Variants in ERCC8 observed in about 807,000 individuals in gnomAD.
ERCC8 encodes ERCC excision repair 8, CSA ubiquitin ligase complex subunit.
A neutral mutation model predicts 54.9 loss-of-function variants in ERCC8; 52 were observed. The ratio of observed to expected loss-of-function variants is 0.95; its 90% CI spans 0.76 to 1.19. The LOEUF (loss-of-function observed/expected upper bound fraction) is 1.19. Ranked by LOEUF, ERCC8 falls within the 50% of genes most tolerant of loss-of-function variation. The probability of loss-of-function intolerance (pLI) is 0.00; values close to 1 mark genes in which losing one functional copy is unlikely to be tolerated. For synonymous variants in ERCC8, 146 were observed against 157.2 expected (o/e 0.93, Z 0.53); for missense variants, 514 against 466.1 (o/e 1.10, Z -0.95).
chr5:60,887,563 G>T, intron 10 of ERCC8, 43 bp from the exon 11 acceptor site: 1 of 1,338,586 alleles, frequency 7.5e-7, no homozygotes, highest in Non-Finnish European at 1.1e-6. Flanking sequence ...ATCAAGAGCT[G>T]ATATCAAACT....
chr5:60,869,810 A>G lies in ERCC8; in HGVS notation c.*4805T>C, dbSNP rs1327617842. On this transcript the variant is annotated 3_prime_UTR_variant, in exon 12 of 12. Transcript: ENST00000676185. ...AGGTGTACCATAATGACTAGTTAAA[A>G]ATGGAATCAAAGTGAAGTGAACAAA... 6.7e-6 allele frequency among the ~76,000 whole-genome samples: 1 copy of G among 149,876 alleles called. No individual in the cohort carries two copies. The highest frequency in any genetic ancestry group is 2.1e-4 in the South Asian group (1 of 4,836).
intron 11 of ERCC8, among the ~76,000 whole-genome samples, chr5:60,876,974 G>C (rs527943190): frequency 4.1e-4 from 62 of 152,236 alleles, no homozygotes; most frequent in African/African-American, 1.5e-3. Context: ...GTCCTGAATG[G>C]TAATGCCTAG....
chr5:60,933,631 A>G (rs1003636096), intron 1 of ERCC8, among the ~76,000 whole-genome samples: 21 of 152,084 alleles, frequency 1.4e-4, no homozygotes, highest in African/African-American at 4.6e-4. Flanking sequence ...TTGGTTACAT[A>G]AGTTCTTCAG....
chr5:60,877,638 T>C (rs1554071768), intron 11 of ERCC8, among the ~76,000 whole-genome samples: 1 of 152,240 alleles, frequency 6.6e-6, no homozygotes, highest in Non-Finnish European at 1.5e-5. Context: ...TTTGAAGCAA[T>C]TGTGAATGGA....
At chr5:60,896,458 C>A (rs1041829336) in intron 9 of ERCC8, among the ~76,000 whole-genome samples, 13 of 152,210 alleles carry the variant, frequency 8.5e-5, no homozygotes, top group Admixed American at 8.5e-4. Flanking sequence ...GATCCACCCA[C>A]CTCCGCCTCC....
intron 11 of ERCC8, among the ~76,000 whole-genome samples, chr5:60,880,963 TTCTGC>T (rs1006942162): frequency 1.4e-4 from 22 of 152,204 alleles, no homozygotes; most frequent in Non-Finnish European, 2.9e-4. Flanking sequence ...TTTCCAGTTT[TTCTGC>T]TCTGTTTTTT....
chr5:60,939,033 T>C (rs528848578), intron 1 of ERCC8, among the ~76,000 whole-genome samples: 1 of 152,332 alleles, frequency 6.6e-6, no homozygotes, highest in South Asian at 2.1e-4. Context: ...ATTAATCTGA[T>C]AATATATGCT....
rs769122789 is a variant in ERCC8, at chr5:60,874,700, TAAAG to T, written c.1123-21_1123-18del. The T allele has an allele frequency of 4.5e-6, 7 of 1,567,090 alleles. No individual in the cohort carries two copies. Among genetic ancestry groups the T allele is most frequent in the Middle Eastern group, 1.8e-4 (1 of 5,536 alleles). On this transcript the variant is annotated intron_variant, in intron 11 of 11. Transcript: ENST00000676185. ...TGTTGTAGTCTAAAAAAAAAAAAGA[TAAAG>T]AAAAAGGAAGATTCTGTTTTTTCTA...
intron 1 of ERCC8, among the ~76,000 whole-genome samples, chr5:60,938,757 T>C (rs975818362): frequency 2.6e-5 from 4 of 152,250 alleles, no homozygotes; most frequent in African/African-American, 9.6e-5. Flanking sequence ...TAAAGTCATG[T>C]ATCTACTAAA....
At chr5:60,942,916 T>C (rs1477640089) in intron 1 of ERCC8, among the ~76,000 whole-genome samples, 10 of 152,136 alleles carry the variant, frequency 6.6e-5, no homozygotes, top group African/African-American at 2.4e-4. Flanking sequence ...ACATCTCCTA[T>C]GAATAAAATG....
intron 1 of ERCC8, among the ~76,000 whole-genome samples, chr5:60,938,085 A>ATATT (rs1750140987): frequency 2.7e-4 from 5 of 18,682 alleles, no homozygotes; most frequent in African/African-American, 8.2e-4. Flanking sequence ...ATATATATAT[A>ATATT]TTTTATTTTT....
At chr5:60,938,335 T>C (rs765693910) in intron 1 of ERCC8, among the ~76,000 whole-genome samples, 1 of 148,418 alleles carries the variant, frequency 6.7e-6, no homozygotes, top group Non-Finnish European at 1.5e-5. Flanking sequence ...GCCTGTAAGA[T>C]AGCTACCTTT....
intron 7 of ERCC8, 69 bp downstream of exon 7, chr5:60,902,373 A>G: frequency 2.6e-6 from 3 of 1,150,674 alleles, no homozygotes; most frequent in Non-Finnish European, 3.9e-6. Flanking sequence ...TATACATTAC[A>G]TAAATGTAGA....
chr5:60,894,398 T>A (rs1356375188), intron 9 of ERCC8, among the ~76,000 whole-genome samples: 1 of 152,224 alleles, frequency 6.6e-6, no homozygotes, highest in African/African-American at 2.4e-5. Context: ...TTCCTAATAA[T>A]GTTACATTAA....
At chr5:60,897,521 A>C (rs917999661) in intron 9 of ERCC8, among the ~76,000 whole-genome samples, 3 of 152,184 alleles carry the variant, frequency 2.0e-5, no homozygotes, top group Admixed American at 1.3e-4. Flanking sequence ...ATTATCACCA[A>C]ATTATAAGCT....
At chr5:60,923,876 C>T (rs1467548201) in intron 2 of ERCC8, among the ~76,000 whole-genome samples, 1 of 152,118 alleles carries the variant, frequency 6.6e-6, no homozygotes, top group Admixed American at 6.5e-5. Flanking sequence ...TACATCATCA[C>T]TCTTTCCTTT....
intron 2 of ERCC8, among the ~76,000 whole-genome samples, chr5:60,928,376 T>C (rs574110741): frequency 6.6e-6 from 1 of 152,316 alleles, no homozygotes; most frequent in African/African-American, 2.4e-5. Flanking sequence ...GCTTGTTAGG[T>C]AGGTACTATT....
chr5:60,912,379 T>G (rs1318878259), intron 4 of ERCC8, among the ~76,000 whole-genome samples: 1 of 152,126 alleles, frequency 6.6e-6, no homozygotes, highest in Admixed American at 6.5e-5. Context: ...TACTCATGAT[T>G]TGGGTCTCTG....
rs752349950 is a variant in ERCC8, at chr5:60,872,057, TCA to T, written c.*2556_*2557del. On this transcript the variant is annotated 3_prime_UTR_variant, in exon 12 of 12. Coordinates refer to ENST00000676185, the MANE Select transcript of ERCC8 (RefSeq NM_000082.4). ...GCTCAAGTGATCTGCCTGTCTCAGCTCACAAAGTGTTAGGATTACAACCACCG... is the reference window on the plus strand; with the variant it reads ...GCTCAAGTGATCTGCCTGTCTCAGCTCAAAGTGTTAGGATTACAACCACCG... 4.6e-5 allele frequency among the ~76,000 whole-genome samples: 7 copies of T among 152,148 alleles called. No individual in the cohort carries two copies. The highest frequency in any genetic ancestry group is 1.3e-4 in the Admixed American group (2 of 15,282).
Sources: allele counts gnomAD v4.1 joint callset (sites outside exome capture counted in the v4.1 genomes callset), GRCh38; gene constraint gnomAD v4.1.1; transcripts MANE v1.5; gene names NCBI Gene and HGNC (gene_info 2026-07-23, HGNC 2026-07-21).